FBXL20: variants seen among roughly 807,000 people sequenced by gnomAD.
FBXL20 encodes the protein F-box/LRR-repeat protein 20.
FBXL20 carries 11 observed loss-of-function variants against 64.0 expected under a neutral mutation model. That is an observed-to-expected ratio of 0.17 (90% confidence interval 0.11 to 0.28). FBXL20 has a LOEUF of 0.28. Among genes scored for constraint, FBXL20 ranks in the 10% least tolerant of loss-of-function variants. The pLI is 1.00. For synonymous variants in FBXL20, 184 were observed against 189.0 expected, an observed-to-expected ratio of 0.97 and a Z score of 0.22; for missense variants, 303 against 526.2, an observed-to-expected ratio of 0.58 and a Z score of 4.15.
chr17:39,292,126 T>G (rs1270798254), intron 6 of FBXL20, among the ~76,000 whole-genome samples: 2 of 150,764 alleles, frequency 1.3e-5, no homozygotes, highest in African/African-American at 5.0e-5. Flanking sequence ...GTCAATTATA[T>G]CAAGTTCATT....
intron 12 of FBXL20, among the ~76,000 whole-genome samples, 196 bp from the exon 13 acceptor site, chr17:39,265,649 G>A (rs1385168623): frequency 6.6e-6 from 1 of 151,698 alleles, no homozygotes; most frequent in East Asian, 1.9e-4. Context: ...TGGGACAACA[G>A]GCACAAGCCA....
intron 2 of FBXL20, among the ~76,000 whole-genome samples, chr17:39,315,237 G>A (rs1367418319): frequency 1.3e-5 from 2 of 151,842 alleles, no homozygotes; most frequent in African/African-American, 2.4e-5. Flanking sequence ...TAGGGAGTGC[G>A]AATTGGTACC....
rs1597752906 is a variant in FBXL20, at chr17:39,255,109, G to C, written c.*6351C>G. The C allele has an allele frequency of 6.6e-6, 1 of 152,116 alleles. No individual in the cohort carries two copies. 9.4% of individuals were successfully genotyped at this position (152,116 alleles called of 1,614,324 possible). ...GTACTGACCTTCCTAACGATCAAAG[G>C]CTTCAGAGACACTGAATTGATGCGT... On this transcript the variant is annotated 3_prime_UTR_variant, in exon 15 of 15. Transcript: ENST00000264658.
chr17:39,356,148 G>A (rs2144602461), intron 1 of FBXL20, among the ~76,000 whole-genome samples: 1 of 147,844 alleles, frequency 6.8e-6, no homozygotes, highest in African/African-American at 2.5e-5. Flanking sequence ...CCAGGAGGCA[G>A]AGGTTGCAGT....
intron 2 of FBXL20, among the ~76,000 whole-genome samples, chr17:39,317,027 A>G (rs555227932): frequency 6.6e-6 from 1 of 152,360 alleles, no homozygotes; most frequent in East Asian, 1.9e-4. Context: ...TTAACCAAAC[A>G]TAAGATGTTC....
chr17:39,264,700 A>G (rs1470047928), intron 13 of FBXL20, among the ~76,000 whole-genome samples: 1 of 152,216 alleles, frequency 6.6e-6, no homozygotes, highest in African/African-American at 2.4e-5. Context: ...TTCCTTCTCT[A>G]CAGGGATAAA....
At chr17:39,368,915 A>G (rs2047888064) in intron 1 of FBXL20, among the ~76,000 whole-genome samples, 1 of 152,044 alleles carries the variant, frequency 6.6e-6, no homozygotes, top group Admixed American at 6.6e-5. Flanking sequence ...TCGGCCTCCC[A>G]AAGTGCTCGG....
At chr17:39,357,815 T>C (rs766566980) in intron 1 of FBXL20, among the ~76,000 whole-genome samples, 1 of 152,226 alleles carries the variant, frequency 6.6e-6, no homozygotes, top group Non-Finnish European at 1.5e-5. Flanking sequence ...CAAGTTACCA[T>C]CTGGTACCAT....
chr17:39,276,244 G>A (rs1171205107), intron 9 of FBXL20, among the ~76,000 whole-genome samples: 5 of 132,252 alleles, frequency 3.8e-5, no homozygotes, highest in African/African-American at 6.0e-5. Context: ...AAAAAAAAAA[G>A]GGACGGGAAG....
chr17:39,337,143 G>A (rs145285436), intron 2 of FBXL20, among the ~76,000 whole-genome samples: 4,028 of 152,182 alleles, frequency 0.026, 170 homozygotes, highest in African/African-American at 0.09. Flanking sequence ...GCGCCGCCAC[G>A]CCTGACTGGT....
At chr17:39,281,343 T>C (rs1241401328) in intron 9 of FBXL20, 46 bp downstream of exon 9, 4 of 1,557,676 alleles carry the variant, frequency 2.6e-6, no homozygotes, top group Non-Finnish European at 3.5e-6. Context: ...AAAATTTTAA[T>C]GAAATGAATT....
At chr17:39,389,883 T>C (rs563883463) in intron 1 of FBXL20, among the ~76,000 whole-genome samples, 2 of 152,310 alleles carry the variant, frequency 1.3e-5, no homozygotes, top group African/African-American at 4.8e-5. Flanking sequence ...ATAGCTTTAC[T>C]TTCTACATAT....
chr17:39,281,989 C>G (rs1255818184), intron 8 of FBXL20, among the ~76,000 whole-genome samples: 2 of 152,130 alleles, frequency 1.3e-5, no homozygotes, highest in Non-Finnish European at 2.9e-5. Flanking sequence ...CCTTAAATAA[C>G]CAGAAGCTCA....
intron 7 of FBXL20, among the ~76,000 whole-genome samples, chr17:39,284,563 T>TA (rs1415958095): frequency 6.6e-6 from 1 of 151,924 alleles, no homozygotes; most frequent in Non-Finnish European, 1.5e-5. Context: ...TTATTTTTTT[T>TA]AGTAGAGACA....
intron 12 of FBXL20, among the ~76,000 whole-genome samples, chr17:39,267,241 ACT>A (rs2046799608): frequency 6.6e-6 from 1 of 151,696 alleles, no homozygotes; most frequent in African/African-American, 2.4e-5. Context: ...ACAGAGTGAG[ACT>A]CTGTCCTCCC....
intron 6 of FBXL20, among the ~76,000 whole-genome samples, chr17:39,289,469 C>G (rs2047017898): frequency 6.6e-6 from 1 of 151,806 alleles, no homozygotes; most frequent in Non-Finnish European, 1.5e-5. Flanking sequence ...CCACCTTGGG[C>G]AACATGGTGA....
chr17:39,302,997 C>T (rs527920214), intron 3 of FBXL20, among the ~76,000 whole-genome samples: 3 of 150,612 alleles, frequency 2.0e-5, no homozygotes, highest in East Asian at 3.9e-4. Context: ...CTGCAAGCTC[C>T]GATTCTGCAT....
chr17:39,337,675 G>A (rs1448284966), intron 2 of FBXL20, among the ~76,000 whole-genome samples: 5 of 150,640 alleles, frequency 3.3e-5, no homozygotes, highest in African/African-American at 9.8e-5. Context: ...CCTGGCAACC[G>A]CCCCGTCTGA....
chr17:39,317,493 G>A (rs900902746), intron 2 of FBXL20, among the ~76,000 whole-genome samples: 2 of 152,078 alleles, frequency 1.3e-5, no homozygotes, highest in East Asian at 3.9e-4. Flanking sequence ...GCCTCCCAAA[G>A]TGCTGGGATT....
Sources: allele counts gnomAD v4.1 joint callset (sites outside exome capture counted in the v4.1 genomes callset), GRCh38; gene constraint gnomAD v4.1.1; transcripts MANE v1.5; gene names NCBI Gene and HGNC (gene_info 2026-07-23, HGNC 2026-07-21).